The following OTOG variants were observed in gnomAD, a reference collection of about 807,000 sequenced individuals.
OTOG encodes the protein otogelin.
In OTOG, 296 loss-of-function variants were observed where a neutral mutation model predicts 313.8. That is an observed-to-expected ratio of 0.94 (90% CI 0.86 to 1.04). The LOEUF is 1.04. OTOG is among the 50% of genes least tolerant of loss of function. The probability of loss-of-function intolerance (pLI) is 0.00; values close to 1 mark genes in which losing one functional copy is unlikely to be tolerated. For synonymous variants in OTOG, 1,533 were observed against 1,554.9 expected (o/e 0.99, Z 0.33); for missense variants, 3,948 against 3,840.1 (o/e 1.03, Z -0.74).
intron 29 of OTOG, 67 bp from the exon 30 acceptor site, chr11:17,596,784 A>G: frequency 7.1e-7 from 1 of 1,413,358 alleles, no homozygotes; most frequent in Non-Finnish European, 9.7e-7. Flanking sequence ...GGTCGTCATC[A>G]GCTGAAAAGA....
chr11:17,554,770 A>G (rs1421129338), intron 6 of OTOG, among the ~76,000 whole-genome samples: 2 of 152,232 alleles, frequency 1.3e-5, no homozygotes, highest in African/African-American at 2.4e-5. Flanking sequence ...TTCATGATGG[A>G]TATGTTACAA....
At chr11:17,561,936 G>A in intron 15 of OTOG, 129 bp downstream of exon 15, 1 of 1,174,466 alleles carries the variant, frequency 8.5e-7, no homozygotes, top group South Asian at 1.5e-5. Flanking sequence ...TCTCTCTGGG[G>A]AGAAGACTGG....
intron 46 of OTOG, 60 bp from the exon 47 acceptor site, chr11:17,635,550 C>T (rs1854243905): frequency 7.3e-7 from 1 of 1,364,698 alleles, no homozygotes; most frequent in African/African-American, 1.4e-5. Flanking sequence ...CAGCAACGTG[C>T]TGTGTGCCAG....
chr11:17,605,803 C>T lies in OTOG; in HGVS notation c.3878-54C>T, dbSNP rs571929895. 120 of 1,479,260 alleles carry T rather than the reference C, an allele frequency of 8.1e-5. 1 individual carries two copies. Among genetic ancestry groups the T allele is most frequent in the East Asian group, 5.2e-4 (21 of 40,070 alleles). 91.6% of individuals were successfully genotyped at this position (1,479,260 alleles called of 1,614,324 possible). A position where few individuals can be genotyped will look rare whatever the true frequency, so the allele number is the denominator to read the frequency against. ...CAGATGTGTGCCAGGATGCTGTTCC[C>T]GCAGCCACCTGGACCTCTGCCTGTA... On this transcript the variant is annotated intron_variant, in intron 32 of 55. Transcript: ENST00000399397.
rs1376280366 is a variant in OTOG at position 17,557,282 on chromosome 11, A to G, written c.824A>G (p.Asn275Ser). 6.4e-7 allele frequency: 1 copy of G among 1,550,462 alleles called. No homozygotes were observed. Among genetic ancestry groups the G allele is most frequent in the East Asian group, 2.4e-5 (1 of 40,920 alleles). ...LLGWTHGLCG[N>S]NNADPKDDLV... is the part of the protein sequence containing the mutation. ...GGCTGGACCCATGGGCTGTGTGGGA[A>G]CAACAATGCTGACCCCAAGGATGAT... is the stretch of plus-strand genomic sequence containing the variant. Residue 275 changes from asparagine (N) to serine (S), a missense_variant, in exon 8 of 56, where the codon AAC (asparagine) becomes AGC (serine). Transcript: ENST00000399397.
intron 39 of OTOG, among the ~76,000 whole-genome samples, chr11:17,614,285 C>G (rs1485332772): frequency 5.3e-5 from 8 of 152,172 alleles, no homozygotes; most frequent in Non-Finnish European, 1.0e-4. Flanking sequence ...TGATCTGCAG[C>G]CTTCCTTTTG....
At chr11:17,637,617 C>T (rs897277705) in intron 47 of OTOG, among the ~76,000 whole-genome samples, 18 of 152,138 alleles carry the variant, frequency 1.2e-4, no homozygotes, top group Non-Finnish European at 1.9e-4. Context: ...CACATCACTT[C>T]GGGTGCCACA....
intron 8 of OTOG, among the ~76,000 whole-genome samples, chr11:17,557,537 T>C (rs1331842139): frequency 1.3e-5 from 2 of 152,120 alleles, no homozygotes; most frequent in Non-Finnish European, 2.9e-5. Flanking sequence ...TCTGCAAAAA[T>C]AGTCATGATA....
Position 17,612,331 on chromosome 11 carries a change from G to A in OTOG, c.6292+1G>A, listed in dbSNP as rs574896656. 1 of 1,529,802 alleles carries A rather than the reference G, an allele frequency of 6.5e-7. No individual in the cohort carries two copies. Among genetic ancestry groups the A allele is most frequent in the Non-Finnish European group, 8.8e-7 (1 of 1,141,912 alleles). 94.8% of individuals were successfully genotyped at this position (1,529,802 alleles called of 1,614,324 possible). On this transcript the variant is annotated splice_donor_variant, in intron 37 of 55. Coordinates refer to ENST00000399397, the MANE Select transcript of OTOG (RefSeq NM_001292063.2). LOFTEE classifies it high-confidence loss of function. ...TGCTGCCCACTCTGGGAGTGTGCCTGTGAGTCATGGGATCAGCGGAGCCTC... is the reference window on the plus strand; with the variant it reads ...TGCTGCCCACTCTGGGAGTGTGCCTATGAGTCATGGGATCAGCGGAGCCTC...
Position 17,642,198 on chromosome 11 carries a change from C to A in OTOG, c.8367C>A (p.Val2789=). The change falls in exon 53 of 56, where the codon GTC becomes GTA. Residue 2789 remains valine (V), a synonymous_variant. Coordinates refer to ENST00000399397, the MANE Select transcript of OTOG (RefSeq NM_001292063.2). ...GCACGCCCCTGGGTGCCGTGCTGGT[C>A]CGCTCTCCCATAAGCTGCCCACCGC... ...CSSTPLGAVL[V]RSPISCPPLN... 1 of 1,550,324 alleles carries A rather than the reference C, an allele frequency of 6.5e-7. No individual in the cohort carries two copies. The highest frequency in any genetic ancestry group is 8.7e-7 in the Non-Finnish European group (1 of 1,146,822).
At position 17,610,849 on chromosome 11, in the gene OTOG, C is replaced by G. The variant is rs376684690; in HGVS notation, c.5549C>G (p.Pro1850Arg). Residue 1850 changes from proline to arginine, a missense_variant, in exon 36 of 56, where the codon CCT becomes CGT. Physicochemically the swap from Pro to Arg is moderately radical, Grantham distance 103 (BLOSUM62 -2). Transcript: ENST00000399397. Reference sequence around the variant, plus strand: ...GCTCAGACACTTAGCCCAGTACTGCCTTTCACTCCAGCAGCAATGACCCAG... The same window carrying G: ...GCTCAGACACTTAGCCCAGTACTGCGTTTCACTCCAGCAGCAATGACCCAG... ...LPAQTLSPVLPFTPAAMTQAH... is the reference protein window; with the variant it reads ...LPAQTLSPVLRFTPAAMTQAH... 4.0e-4 allele frequency: 623 copies of G among 1,550,956 alleles called. 3 individuals are homozygous for G. In the African/African-American group the frequency reaches 7.8e-3, roughly 19 times the overall value.
rs1484473271 is a variant in OTOG at position 17,645,900 on chromosome 11, T to C, written c.8698T>C (p.Tyr2900His). The change falls in exon 56 of 56, where the codon TAT becomes CAT. Residue 2900 changes from tyrosine to histidine, a missense_variant. By Grantham distance (83) the Tyr-to-His change is moderately conservative (BLOSUM62 2). Transcript: ENST00000399397. ...TGCCACCAATGCCACCTGGGTGCCC[T>C]ATACAGTGCAGGAGCCCACCGACTG... The part of the protein sequence containing the change: ...FCATNATWVP[Y>H]TVQEPTDCAC... 3.2e-6 allele frequency: 5 copies of C among 1,550,424 alleles called. No homozygotes were observed. Among genetic ancestry groups the C allele is most frequent in the Non-Finnish European group, 4.4e-6 (5 of 1,146,994 alleles).
Position 17,553,404 on chromosome 11 carries a change from C to T in OTOG, c.425C>T (p.Ala142Val), listed in dbSNP as rs945886820. The T allele has an allele frequency of 2.1e-5, 31 of 1,466,856 alleles. No homozygotes were observed. The highest frequency in any genetic ancestry group is 1.3e-4 in the African/African-American group (9 of 70,270). 90.9% of individuals were successfully genotyped at this position (1,466,856 alleles called of 1,614,324 possible). ...CCTGAGAGGGACAGCATTTGCCGGGCGTGGGGGCAGCACCACGTGGAGACA... is the reference window on the plus strand; with the variant it reads ...CCTGAGAGGGACAGCATTTGCCGGGTGTGGGGGCAGCACCACGTGGAGACA... ...AGPERDSICR[A>V]WGQHHVETFD... is the part of the protein sequence containing the mutation. Residue 142 changes from alanine (A) to valine (V), a missense_variant, in exon 6 of 56, where the codon GCG becomes GTG. Physicochemically the swap from Ala to Val is moderately conservative, Grantham distance 64 (BLOSUM62 0). Coordinates refer to ENST00000399397, the MANE Select transcript of OTOG (RefSeq NM_001292063.2).
intron 16 of OTOG, among the ~76,000 whole-genome samples, chr11:17,569,808 T>G (rs917843360): frequency 2.0e-5 from 3 of 152,206 alleles, no homozygotes; most frequent in African/African-American, 7.2e-5. Flanking sequence ...AAAATTTAAA[T>G]TTGTTACACT....
In OTOG at chr11:17,558,409, G is replaced by T. The variant is rs369733590; in HGVS notation, c.996+94G>T. On this transcript the variant is annotated intron_variant, in intron 9 of 55. Coordinates refer to ENST00000399397, the MANE Select transcript of OTOG (RefSeq NM_001292063.2). ...TGGCTGTGGCACCCCAGAATGTCTG[G>T]TGCCCTTGACCCCATCCCTCTCTTC... The T allele has an allele frequency of 4.0e-5, 61 of 1,524,938 alleles. 1 individual carries two copies. In the South Asian group the frequency reaches 7.1e-4, roughly 18 times the overall value. 94.5% of individuals were successfully genotyped at this position (1,524,938 alleles called of 1,614,324 possible).
rs781619749 is a variant in OTOG, at chr11:17,631,804, C to G, written c.6815C>G (p.Pro2272Arg). 1 of 1,550,590 alleles carries G rather than the reference C, an allele frequency of 6.4e-7. No homozygotes were observed. The highest frequency in any genetic ancestry group is 1.2e-5 in the South Asian group (1 of 84,058). Residue 2272 changes from proline to arginine, a missense_variant, in exon 41 of 56, where the codon CCC becomes CGC. Physicochemically the swap from Pro to Arg is moderately radical, Grantham distance 103 (BLOSUM62 -2). Coordinates refer to ENST00000399397, the MANE Select transcript of OTOG (RefSeq NM_001292063.2). ...PAPFLDSWQV[P>R]SSLTSVGQTR... ...CCCTTTCTGGACAGCTGGCAGGTGC[C>G]CAGCTCCCTGACCTCAGTGGGCCAG...
chr11:17,603,443 G>T (rs1004873526), intron 32 of OTOG, among the ~76,000 whole-genome samples: 2 of 152,178 alleles, frequency 1.3e-5, no homozygotes, highest in African/African-American at 4.8e-5. Context: ...TCCAGAGGGG[G>T]TGTTGCCTTT....
chr11:17,593,555 G>T, intron 26 of OTOG, 55 bp from the exon 27 acceptor site: 2 of 1,539,200 alleles, frequency 1.3e-6, no homozygotes, highest in South Asian at 2.4e-5. Flanking sequence ...AGGCATAGCT[G>T]ACCTGGGCGC....
Position 17,558,888 on chromosome 11 carries a change from G to A in OTOG, c.1104-164G>A, listed in dbSNP as rs112391811. ...CTGGGACTAGAATCCAGGATTTATA[G>A]CTCAAGTCTAGGGATCTGTTCACCT... is the stretch of plus-strand genomic sequence containing the variant. On this transcript the variant is annotated intron_variant, in intron 10 of 55. Coordinates refer to ENST00000399397, the MANE Select transcript of OTOG (RefSeq NM_001292063.2). 0.016 allele frequency among the ~76,000 whole-genome samples: 2,505 copies of A among 152,350 alleles called. 73 individuals are homozygous for A. Among genetic ancestry groups the A allele is most frequent in the African/African-American group, 0.057 (2,357 of 41,570 alleles).
Sources: allele counts gnomAD v4.1 joint callset (sites outside exome capture counted in the v4.1 genomes callset), GRCh38; gene constraint gnomAD v4.1.1; transcripts MANE v1.5; gene names NCBI Gene and HGNC (gene_info 2026-07-23, HGNC 2026-07-21).